The following EEPD1 variants were observed in gnomAD, a reference collection of about 807,000 sequenced individuals.
EEPD1 encodes endonuclease/exonuclease/phosphatase family domain-containing protein 1.
EEPD1 carries 17 observed loss-of-function variants against 46.3 expected under a neutral mutation model. The ratio of observed to expected loss-of-function variants is 0.37; its 90% CI spans 0.25 to 0.55. EEPD1 has a LOEUF of 0.55. Among genes scored for constraint, EEPD1 ranks in the 20% least tolerant of loss-of-function variants. The pLI, the probability that EEPD1 is intolerant of heterozygous loss-of-function variation, is 0.83. For synonymous variants in EEPD1, 313 were observed against 315.6 expected, an observed-to-expected ratio of 0.99 and a Z score of 0.09; for missense variants, 673 against 745.6, an observed-to-expected ratio of 0.90 and a Z score of 1.13.
In EEPD1 at chr7:36,157,177, C is replaced by T. The variant is rs749022562; in HGVS notation, c.878+1975C>T. 2.0e-5 allele frequency among the ~76,000 whole-genome samples: 3 copies of T among 152,316 alleles called. No homozygotes were observed. In the South Asian group the frequency reaches 6.2e-4, roughly 32 times the overall value. On this transcript the variant is annotated intron_variant, in intron 2 of 7. Transcript: ENST00000242108. ...TGCCATTTTATATCAGGGACTTGAG[C>T]ATCATGGATTTTGGTATCACAGGGG...
intron 2 of EEPD1, among the ~76,000 whole-genome samples, chr7:36,216,100 G>C (rs1478060803): frequency 6.6e-6 from 1 of 152,158 alleles, no homozygotes; most frequent in Non-Finnish European, 1.5e-5. Context: ...AATATTGATA[G>C]TAGTTAGATT....
intron 2 of EEPD1, among the ~76,000 whole-genome samples, chr7:36,238,530 G>A (rs992261294): frequency 1.1e-4 from 16 of 152,202 alleles, no homozygotes; most frequent in African/African-American, 3.9e-4. Flanking sequence ...CTCATTTAGT[G>A]TGTCTCCAAG....
intron 2 of EEPD1, 44 bp from the exon 3 acceptor site, chr7:36,238,941 A>T (rs768114846): frequency 1.3e-6 from 2 of 1,583,272 alleles, no homozygotes; most frequent in South Asian, 2.3e-5. Context: ...TGGTGACATG[A>T]AATGATTTGT....
At chr7:36,196,250 G>C (rs867002456) in intron 2 of EEPD1, among the ~76,000 whole-genome samples, 8 of 152,120 alleles carry the variant, frequency 5.3e-5, no homozygotes, top group Middle Eastern at 3.4e-3. Context: ...GAGCATTACT[G>C]TACACTCCTG....
At chr7:36,251,673 G>A (rs113387005) in intron 3 of EEPD1, among the ~76,000 whole-genome samples, 2 of 152,102 alleles carry the variant, frequency 1.3e-5, no homozygotes, top group African/African-American at 2.4e-5. Flanking sequence ...ATCCCTCCTC[G>A]ACTCTCCTTA....
Position 36,234,953 on chromosome 7 carries a change from G to T in EEPD1, c.879-4032G>T, listed in dbSNP as rs185369984. 5.9e-3 allele frequency among the ~76,000 whole-genome samples: 853 copies of T among 144,680 alleles called. 4 individuals are homozygous for T. Among genetic ancestry groups the T allele is most frequent in the Non-Finnish European group, 8.7e-3 (572 of 65,920 alleles). The allele number at this position is 144,680 out of a possible 152,430, so 94.9% of individuals were successfully genotyped here. On this transcript the variant is annotated intron_variant, in intron 2 of 7. Coordinates refer to ENST00000242108, the MANE Select transcript of EEPD1 (RefSeq NM_030636.3). ...GCCTCCCCCATGGCCTCCAGCCCAGGCCTCCCCCATAGCCTCCAGCCCAGG... is the reference window on the plus strand; with the variant it reads ...GCCTCCCCCATGGCCTCCAGCCCAGTCCTCCCCCATAGCCTCCAGCCCAGG...
chr7:36,283,581 C>T (rs1787293885), intron 4 of EEPD1, among the ~76,000 whole-genome samples: 1 of 152,150 alleles, frequency 6.6e-6, no homozygotes, highest in South Asian at 2.1e-4. Context: ...CCCAGGGTCC[C>T]GCGGCTAAGT....
chr7:36,196,791 G>A (rs573730382), intron 2 of EEPD1, among the ~76,000 whole-genome samples: 1 of 152,252 alleles, frequency 6.6e-6, no homozygotes, highest in East Asian at 1.9e-4. Context: ...GCCTGCCTTG[G>A]CCCCCCAAAG....
chr7:36,270,999 T>A (rs867261192), intron 3 of EEPD1, among the ~76,000 whole-genome samples: 25 of 152,118 alleles, frequency 1.6e-4, no homozygotes, highest in South Asian at 1.5e-3. Flanking sequence ...ATTATTATTT[T>A]TTTTTGAGTT....
intron 2 of EEPD1, among the ~76,000 whole-genome samples, chr7:36,230,066 T>C (rs902031412): frequency 2.0e-5 from 3 of 152,094 alleles, no homozygotes; most frequent in Non-Finnish European, 4.4e-5. Flanking sequence ...CCTAAGTAGA[T>C]GATCCCTTCA....
chr7:36,296,938 G>A (rs747814725), intron 6 of EEPD1, 55 bp from the exon 7 acceptor site: 50 of 1,588,374 alleles, frequency 3.1e-5, no homozygotes, highest in Non-Finnish European at 4.1e-5. Context: ...CACGGTCAGT[G>A]TTGGGTTTTA....
chr7:36,190,788 C>T (rs1168830116), intron 2 of EEPD1, among the ~76,000 whole-genome samples: 1 of 152,204 alleles, frequency 6.6e-6, no homozygotes, highest in African/African-American at 2.4e-5. Context: ...GGGGATAAAG[C>T]ATGTAGCTTG....
In EEPD1 at chr7:36,157,843, A is replaced by G. The variant is rs374848692; in HGVS notation, c.878+2641A>G. Among the ~76,000 whole-genome samples the G allele has an allele frequency of 2.0e-3, 285 of 141,200 alleles. 3 individuals are homozygous for G. In the South Asian group the frequency reaches 0.025, roughly 12 times the overall value. The allele number at this position is 141,200 out of a possible 152,430, so 92.6% of individuals were successfully genotyped here. On this transcript the variant is annotated intron_variant, in intron 2 of 7. Transcript: ENST00000242108. Reference sequence around the variant, plus strand: ...TCACAGAGTAGATCTCGTGTCCTCAATGATAGCAGCACCCATTCTCCAAGA... The same window carrying G: ...TCACAGAGTAGATCTCGTGTCCTCAGTGATAGCAGCACCCATTCTCCAAGA...
chr7:36,218,580 G>T (rs1786075244), intron 2 of EEPD1, among the ~76,000 whole-genome samples: 1 of 152,288 alleles, frequency 6.6e-6, no homozygotes, highest in South Asian at 2.1e-4. Flanking sequence ...TGAGCAAAGG[G>T]AGGGTTCACA....
chr7:36,273,129 T>TACACAC (rs10578694), intron 3 of EEPD1, among the ~76,000 whole-genome samples: 2,147 of 148,492 alleles, frequency 0.014, 23 homozygotes, highest in East Asian at 0.02. Context: ...GGTGCATGCT[T>TACACAC]ACACACACAC....
At chr7:36,287,236 C>CA (rs377318198) in intron 5 of EEPD1, among the ~76,000 whole-genome samples, 30,834 of 42,178 alleles carry the variant, frequency 0.73, 14,142 homozygotes, top group Non-Finnish European at 0.79. Context: ...GACTCCTTCT[C>CA]AAAAAAAAAA....
chr7:36,161,241 G>T (rs560298409), intron 2 of EEPD1, among the ~76,000 whole-genome samples: 2 of 152,310 alleles, frequency 1.3e-5, no homozygotes, highest in East Asian at 1.9e-4. Context: ...AGGCATGGGC[G>T]CAGGAAGACC....
chr7:36,283,178 CTCTG>C lies in EEPD1; in HGVS notation c.1042-1503_1042-1500del, dbSNP rs369962226. ...CTCGGACCTGAGCCCAGTTCACTCT[CTCTG>C]TCTGGAAACCCTGTTCCTCCGGCTG... On this transcript the variant is annotated intron_variant, in intron 4 of 7. Coordinates refer to ENST00000242108, the MANE Select transcript of EEPD1 (RefSeq NM_030636.3). Among the ~76,000 whole-genome samples the C allele has an allele frequency of 1.9e-3, 288 of 152,306 alleles. 1 individual carries two copies. Among genetic ancestry groups the C allele is most frequent in the Non-Finnish European group, 3.7e-3 (251 of 68,032 alleles).
chr7:36,212,189 G>A (rs1785947688), intron 2 of EEPD1, among the ~76,000 whole-genome samples: 3 of 152,152 alleles, frequency 2.0e-5, no homozygotes. Flanking sequence ...TCAAACAAAT[G>A]CAAAGTAAAA....
Sources: allele counts gnomAD v4.1 joint callset (sites outside exome capture counted in the v4.1 genomes callset), GRCh38; gene constraint gnomAD v4.1.1; transcripts MANE v1.5; gene names NCBI Gene and HGNC (gene_info 2026-07-23, HGNC 2026-07-21).